Variants in UBE2V2 observed in about 807,000 individuals in gnomAD.
UBE2V2 encodes the protein ubiquitin conjugating enzyme E2 V2.
A neutral mutation model predicts 17.2 loss-of-function variants in UBE2V2; 9 were observed. That is an observed-to-expected ratio of 0.52 (90% CI 0.32 to 0.91). The LOEUF is 0.91. UBE2V2 is among the 40% of genes least tolerant of loss of function. The pLI, the probability that UBE2V2 is intolerant of heterozygous loss-of-function variation, is 0.04. For synonymous variants in UBE2V2, 61 were observed against 57.5 expected (o/e 1.06, Z -0.28); for missense variants, 133 against 182.6 (o/e 0.73, Z 1.56).
Position 48,063,881 on chromosome 8 carries a change from T to C in UBE2V2, c.*3053T>C, listed in dbSNP as rs1159823301. The C allele has an allele frequency of 6.6e-6, 1 of 152,250 alleles. No individual in the cohort carries two copies. The highest frequency in any genetic ancestry group is 1.5e-5 in the Non-Finnish European group (1 of 68,044). 9.4% of individuals were successfully genotyped at this position (152,250 alleles called of 1,614,324 possible). A position where few individuals can be genotyped will look rare whatever the true frequency, so the allele number is the denominator to read the frequency against. On this transcript the variant is annotated 3_prime_UTR_variant, in exon 4 of 4. Coordinates refer to ENST00000523111, the MANE Select transcript of UBE2V2 (RefSeq NM_003350.3). ...AACAATATGTTGATTTTAATGTTAA[T>C]TCCCACTAAATATATAATATTGATA...
At chr8:48,053,385 A>T (rs1421157997) in intron 3 of UBE2V2, among the ~76,000 whole-genome samples, 1 of 152,000 alleles carries the variant, frequency 6.6e-6, no homozygotes, top group African/African-American at 2.4e-5. Context: ...AGCTTTGTCA[A>T]ATGTTAACAT....
the UBE2V2 span, among the ~76,000 whole-genome samples, chr8:47,999,503 T>A: frequency 7.2e-5 from 11 of 152,006 alleles, no homozygotes; most frequent in African/African-American, 2.7e-4. Flanking sequence ...ATTACAGGCA[T>A]GTTCCACCAT....
At chr8:48,051,974 G>T (rs1281920614) in intron 3 of UBE2V2, among the ~76,000 whole-genome samples, 2 of 152,174 alleles carry the variant, frequency 1.3e-5, no homozygotes, top group African/African-American at 2.4e-5. Context: ...TTTACTGGGA[G>T]CATTTAGTCC....
intron 1 of UBE2V2, among the ~76,000 whole-genome samples, chr8:48,009,273 T>C (rs982110926): frequency 6.7e-6 from 1 of 149,418 alleles, no homozygotes; most frequent in African/African-American, 2.5e-5. Flanking sequence ...TTTTCTTTTT[T>C]TTTTTTTTTT....
At chr8:48,036,543 C>T (rs1460622152) in intron 1 of UBE2V2, among the ~76,000 whole-genome samples, 1 of 151,876 alleles carries the variant, frequency 6.6e-6, no homozygotes, top group African/African-American at 2.4e-5. Context: ...AAGAAATTCT[C>T]CTTCCTCAGC....
intron 3 of UBE2V2, among the ~76,000 whole-genome samples, chr8:48,056,763 G>A (rs538096303): frequency 4.6e-5 from 7 of 152,166 alleles, no homozygotes; most frequent in African/African-American, 7.2e-5. Flanking sequence ...TTGCTGTGCC[G>A]CCCAGGCTGG....
chr8:48,018,526 T>C (rs1454761130), intron 1 of UBE2V2, among the ~76,000 whole-genome samples: 1 of 152,246 alleles, frequency 6.6e-6, no homozygotes, highest in African/African-American at 2.4e-5. Context: ...ATATTTGATA[T>C]GATTTCCATC....
upstream of UBE2V2, among the ~76,000 whole-genome samples, chr8:48,004,521 T>TG (rs1437283789): frequency 6.1e-4 from 92 of 150,516 alleles, no homozygotes; most frequent in Non-Finnish European, 1.0e-3. Context: ...TGTTTTTTTT[T>TG]TTTGTTTTGT....
At chr8:48,002,294 T>C in the UBE2V2 span, among the ~76,000 whole-genome samples, 1 of 152,076 alleles carries the variant, frequency 6.6e-6, no homozygotes, top group Non-Finnish European at 1.5e-5. Context: ...TGTCCATCAG[T>C]GGATGAATGG....
intron 1 of UBE2V2, among the ~76,000 whole-genome samples, chr8:48,034,404 C>T (rs1023575626): frequency 3.2e-4 from 48 of 152,280 alleles, no homozygotes; most frequent in African/African-American, 1.1e-3. Context: ...GGATTACAGG[C>T]GTGAGCCACC....
intron 1 of UBE2V2, among the ~76,000 whole-genome samples, chr8:48,012,849 CT>C (rs1189793340): frequency 6.0e-5 from 9 of 151,236 alleles, no homozygotes; most frequent in Non-Finnish European, 7.4e-5. Context: ...TGTCAATTTC[CT>C]TTTTTTTTCT....
At chr8:48,008,370 A>T (rs751966720), upstream of UBE2V2, 18 of 1,511,670 alleles carry the variant, frequency 1.2e-5, no homozygotes, top group Admixed American at 4.4e-5. Context: ...GTCCGCTGTG[A>T]CGCGTGCAGG....
chr8:47,998,532 CA>C, the UBE2V2 span, among the ~76,000 whole-genome samples: 1 of 151,918 alleles, frequency 6.6e-6, no homozygotes, highest in Non-Finnish European at 1.5e-5. Flanking sequence ...AGAACAGCAA[CA>C]GTCTCTTTTT....
intron 1 of UBE2V2, among the ~76,000 whole-genome samples, chr8:48,015,280 A>T (rs990933702): frequency 3.9e-5 from 6 of 151,984 alleles, no homozygotes; most frequent in Non-Finnish European, 8.8e-5. Flanking sequence ...TGGGAGGCTG[A>T]GGTAGAGTAT....
chr8:48,002,684 G>A, the UBE2V2 span, among the ~76,000 whole-genome samples: 5 of 152,034 alleles, frequency 3.3e-5, no homozygotes, highest in Non-Finnish European at 5.9e-5. Context: ...TGGTTACCAG[G>A]GTGTGGGGGG....
Position 48,062,714 on chromosome 8 carries a change from A to G in UBE2V2, c.*1886A>G, listed in dbSNP as rs1419825436. 6.6e-6 allele frequency: 1 copy of G among 152,256 alleles called. No homozygotes were observed. The highest frequency in any genetic ancestry group is 1.5e-5 in the Non-Finnish European group (1 of 68,036). The allele number at this position is 152,256 out of a possible 1,614,324, so 9.4% of individuals were successfully genotyped here. ...GCTTTTATCAAGCTCATATAAAGTT[A>G]AAGCTTTGAGCTACCTTTTCTTGGC... On this transcript the variant is annotated 3_prime_UTR_variant, in exon 4 of 4. Transcript: ENST00000523111.
intron 1 of UBE2V2, among the ~76,000 whole-genome samples, chr8:48,040,844 G>GTTTTTTTTTTTTTT (rs71225699): frequency 2.7e-5 from 2 of 74,106 alleles, no homozygotes; most frequent in Non-Finnish European, 4.7e-5. Flanking sequence ...GCCAGGCTGG[G>GTTTTTTTTTTTTTT]TTTTTTTTTT....
intron 3 of UBE2V2, among the ~76,000 whole-genome samples, chr8:48,053,344 G>A (rs140698738): frequency 6.6e-6 from 1 of 151,906 alleles, no homozygotes; most frequent in East Asian, 1.9e-4. Context: ...TTTAGAGAAT[G>A]ATAGAACCAG....
intron 3 of UBE2V2, among the ~76,000 whole-genome samples, chr8:48,057,727 GT>G (rs1169423253): frequency 6.6e-6 from 1 of 151,974 alleles, no homozygotes; most frequent in African/African-American, 2.4e-5. Context: ...CAGTGCACAA[GT>G]TTTACACTTT....
Sources: allele counts gnomAD v4.1 joint callset (sites outside exome capture counted in the v4.1 genomes callset), GRCh38; gene constraint gnomAD v4.1.1; transcripts MANE v1.5; gene names NCBI Gene and HGNC (gene_info 2026-07-23, HGNC 2026-07-21).